The following CFAP61 variants were observed in gnomAD, a reference collection of about 807,000 sequenced individuals.
CFAP61 encodes cilia and flagella associated protein 61, also known as cilia- and flagella-associated protein 61.
Under a neutral mutation model 135.6 loss-of-function variants are expected in CFAP61, and 107 were observed. The observed-to-expected ratio is 0.79, with a 90% CI of 0.67 to 0.93. The LOEUF is 0.93. CFAP61 is among the 40% of genes least tolerant of loss of function. The pLI, the probability that CFAP61 is intolerant of heterozygous loss-of-function variation, is 0.00. For synonymous variants in CFAP61, 575 were observed against 578.5 expected (o/e 0.99, Z 0.09); for missense variants, 1,507 against 1,556.2 (o/e 0.97, Z 0.53).
intron 17 of CFAP61, among the ~76,000 whole-genome samples, chr20:20,204,729 GGTAGAGGTTTCTAAAAAGGCAGACCT>G (rs2056785061): frequency 1.3e-5 from 2 of 152,142 alleles, no homozygotes; most frequent in African/African-American, 4.8e-5. Context: ...CCATCACCTT[GGTAGAGGTTTCTAAAAAGGCAGACCT>G]GTATTTTTTC....
intron 24 of CFAP61, among the ~76,000 whole-genome samples, chr20:20,295,089 G>T (rs1337389678): frequency 6.6e-6 from 1 of 152,068 alleles, no homozygotes; most frequent in Admixed American, 6.5e-5. Context: ...GACTCTCACT[G>T]CTCTCAGCCT....
intron 13 of CFAP61, among the ~76,000 whole-genome samples, chr20:20,171,444 A>G (rs1169627340): frequency 2.0e-5 from 3 of 152,242 alleles, no homozygotes; most frequent in Non-Finnish European, 4.4e-5. Flanking sequence ...AAGGAAAGCT[A>G]CATCTTTATT....
intron 12 of CFAP61, among the ~76,000 whole-genome samples, chr20:20,168,326 G>T (rs1425460817): frequency 1.3e-5 from 2 of 152,134 alleles, no homozygotes; most frequent in African/African-American, 4.8e-5. Flanking sequence ...GCCTCCCAAA[G>T]TACTGGGATT....
rs781709664 is a variant in CFAP61, at chr20:20,124,976, A to G, written c.860-17881A>G. Among the ~76,000 whole-genome samples the G allele has an allele frequency of 4.0e-5, 6 of 151,684 alleles. No individual in the cohort carries two copies. The South Asian group carries it at 8.3e-4, about 21-fold the overall frequency. ...GTTTTATCTTTCCAGGAATTTATCTATCTCTTCTAGGTTTTCTAGTTTGTG... is the reference window on the plus strand; with the variant it reads ...GTTTTATCTTTCCAGGAATTTATCTGTCTCTTCTAGGTTTTCTAGTTTGTG... On this transcript the variant is annotated intron_variant, in intron 8 of 26. Transcript: ENST00000245957.
intron 1 of CFAP61, 191 bp downstream of exon 1, chr20:20,052,782 G>A (rs1190345166): frequency 1.3e-6 from 2 of 1,481,686 alleles, no homozygotes; most frequent in African/African-American, 1.4e-5. Flanking sequence ...GAAGAAGGGA[G>A]AGCGAGGAAA....
chr20:20,350,246 C>A (rs1282075804), intron 26 of CFAP61, among the ~76,000 whole-genome samples: 3 of 152,208 alleles, frequency 2.0e-5, no homozygotes, highest in Admixed American at 6.5e-5. Flanking sequence ...TAAAATTACA[C>A]CTGCTATAGA....
intron 24 of CFAP61, among the ~76,000 whole-genome samples, chr20:20,294,914 G>A (rs374407798): frequency 6.0e-4 from 89 of 149,116 alleles, no homozygotes; most frequent in African/African-American, 2.1e-3. Context: ...CGGCCTGGGC[G>A]ACAGAGCGAG....
At chr20:20,316,241 A>G (rs1442339457) in intron 25 of CFAP61, among the ~76,000 whole-genome samples, 1 of 152,224 alleles carries the variant, frequency 6.6e-6, no homozygotes, top group Admixed American at 6.5e-5. Flanking sequence ...GTTCTCCTTG[A>G]AGAGGTCTTT....
At chr20:20,112,304 A>G (rs1466310213) in intron 8 of CFAP61, among the ~76,000 whole-genome samples, 1 of 152,192 alleles carries the variant, frequency 6.6e-6, no homozygotes, top group Non-Finnish European at 1.5e-5. Context: ...ACAAATTTCT[A>G]GGAACTTCAT....
At chr20:20,247,670 G>C (rs1166912060) in intron 19 of CFAP61, among the ~76,000 whole-genome samples, 1 of 152,198 alleles carries the variant, frequency 6.6e-6, no homozygotes, top group Non-Finnish European at 1.5e-5. Flanking sequence ...AACGTGCTGT[G>C]ATGCTCCAGC....
chr20:20,073,993 G>A (rs889278723), intron 3 of CFAP61: 10 of 336,072 alleles, frequency 3.0e-5, no homozygotes, highest in African/African-American at 1.3e-4. Context: ...GTTAATAATC[G>A]ATTTCACTCC....
At chr20:20,067,659 A>ATG (rs1193251129) in intron 2 of CFAP61, among the ~76,000 whole-genome samples, 1 of 141,854 alleles carries the variant, frequency 7.0e-6, no homozygotes, top group Admixed American at 7.3e-5. Context: ...ATATATATAT[A>ATG]TATAATATAT....
intron 8 of CFAP61, among the ~76,000 whole-genome samples, chr20:20,128,711 C>T (rs187753026): frequency 6.6e-5 from 10 of 151,796 alleles, no homozygotes; most frequent in Admixed American, 6.5e-4. Context: ...CTCCCGTCCG[C>T]CATGATGATC....
chr20:20,172,050 A>G lies in CFAP61; in HGVS notation c.1385+2590A>G, dbSNP rs115127267. The G allele has an allele frequency of 5.0e-3, 1,993 of 396,644 alleles. 34 individuals are homozygous for G. Among genetic ancestry groups the G allele is most frequent in the African/African-American group, 0.038 (1,850 of 48,296 alleles). 24.6% of individuals were successfully genotyped at this position (396,644 alleles called of 1,614,324 possible). On this transcript the variant is annotated intron_variant, in intron 13 of 26. Transcript: ENST00000245957. The stretch of plus-strand genomic sequence containing the variant: ...GCATGGCCCTACTTAGCTGCAAGGG[A>G]GCCTGGAAGATATGTTGCTGGTAGG...
intron 25 of CFAP61, among the ~76,000 whole-genome samples, chr20:20,327,122 G>C (rs1200673189): frequency 1.3e-5 from 2 of 152,086 alleles, no homozygotes; most frequent in East Asian, 3.8e-4. Context: ...CTCTTGTGTT[G>C]AAGTCTCTTT....
intron 10 of CFAP61, 91 bp downstream of exon 10, chr20:20,159,535 C>G: frequency 4.5e-6 from 5 of 1,112,184 alleles, no homozygotes; most frequent in Non-Finnish European, 6.9e-6. Flanking sequence ...CTTTCCTCCT[C>G]CCAATCTCCC....
intron 6 of CFAP61, among the ~76,000 whole-genome samples, chr20:20,078,506 A>G (rs2046212843): frequency 2.6e-5 from 4 of 152,204 alleles, no homozygotes; most frequent in Admixed American, 1.3e-4. Context: ...ATAGATTTAA[A>G]TGGACAGGAG....
In CFAP61 at chr20:20,341,827, C is replaced by T. The variant is rs758796310; in HGVS notation, c.3423-4C>T. The stretch of plus-strand genomic sequence containing the variant: ...GCTCACTGAGTCTCTTCTTTCCTTA[C>T]CAGCTACTTCACCGAGCCGTGGTGC... On this transcript the variant is annotated splice_region_variant and splice_polypyrimidine_tract_variant and intron_variant, in intron 25 of 26. Transcript: ENST00000245957. The T allele has an allele frequency of 1.4e-5, 23 of 1,611,324 alleles. No individual in the cohort carries two copies. The highest frequency in any genetic ancestry group is 3.5e-4 in the Middle Eastern group (2 of 5,788).
intron 2 of CFAP61, among the ~76,000 whole-genome samples, chr20:20,062,027 G>C (rs1405217672): frequency 6.6e-6 from 1 of 152,182 alleles, no homozygotes; most frequent in African/African-American, 2.4e-5. Flanking sequence ...GATCTTGGGA[G>C]CCTTGCACTA....
Sources: allele counts gnomAD v4.1 joint callset (sites outside exome capture counted in the v4.1 genomes callset), GRCh38; gene constraint gnomAD v4.1.1; transcripts MANE v1.5; gene names NCBI Gene and HGNC (gene_info 2026-07-23, HGNC 2026-07-21).